JAK2: variants seen among roughly 807,000 people sequenced by gnomAD.
JAK2 encodes the protein tyrosine-protein kinase JAK2.
A neutral mutation model predicts 139.3 loss-of-function variants in JAK2; 86 were observed. The ratio of observed to expected loss-of-function variants is 0.62; its 90% CI spans 0.52 to 0.74. JAK2 has a LOEUF of 0.74. Among genes scored for constraint, JAK2 ranks in the 30% least tolerant of loss-of-function variants. The probability of loss-of-function intolerance (pLI) is 0.00; values close to 1 mark genes in which losing one functional copy is unlikely to be tolerated. For synonymous variants in JAK2, 490 were observed against 437.7 expected (o/e 1.12, Z -1.49); for missense variants, 1,421 against 1,360.3 (o/e 1.04, Z -0.70).
intron 5 of JAK2, among the ~76,000 whole-genome samples, chr9:5,049,063 T>C (rs908779241): frequency 1.2e-4 from 18 of 152,226 alleles, no homozygotes; most frequent in Non-Finnish European, 2.1e-4. Flanking sequence ...CTTCATTCTT[T>C]AGACAATATA....
chr9:5,100,317 A>C (rs1821372227), intron 22 of JAK2: 2 of 152,260 alleles, frequency 1.3e-5, no homozygotes, highest in South Asian at 4.1e-4. Flanking sequence ...TCTACTAATA[A>C]CATCTGGCCT....
intron 2 of JAK2, among the ~76,000 whole-genome samples, chr9:5,006,068 T>G (rs940032791): frequency 3.3e-5 from 5 of 152,362 alleles, no homozygotes; most frequent in African/African-American, 9.6e-5. Context: ...GCATTGAATC[T>G]ATAAATGACC....
intron 12 of JAK2, among the ~76,000 whole-genome samples, chr9:5,071,202 G>A (rs562786251): frequency 2.6e-5 from 4 of 152,130 alleles, no homozygotes; most frequent in African/African-American, 9.6e-5. Flanking sequence ...AAATCTTTTC[G>A]GAACCACATA....
intron 16 of JAK2, 23 bp from the exon 17 acceptor site, chr9:5,080,206 A>C: frequency 1.3e-6 from 2 of 1,576,898 alleles, no homozygotes; most frequent in Non-Finnish European, 1.7e-6. Context: ...ATTTAACCCT[A>C]CTCTGTTCGT....
intron 3 of JAK2, among the ~76,000 whole-genome samples, chr9:5,022,987 C>T: frequency 6.6e-6 from 1 of 152,084 alleles, no homozygotes; most frequent in Non-Finnish European, 1.5e-5. Flanking sequence ...TCAGAATAAC[C>T]ATTAACTGTA....
intron 2 of JAK2, among the ~76,000 whole-genome samples, chr9:5,020,432 T>A (rs1822341463): frequency 6.6e-6 from 1 of 152,038 alleles, no homozygotes; most frequent in African/African-American, 2.4e-5. Context: ...AGGTGCTGTT[T>A]GTGGTGGGCA....
chr9:5,080,558 A>G lies in JAK2; in HGVS notation c.2309A>G (p.His770Arg). 1 of 1,596,040 alleles carries G rather than the reference A, an allele frequency of 6.3e-7. No homozygotes were observed. Among genetic ancestry groups the G allele is most frequent in the Non-Finnish European group, 8.5e-7 (1 of 1,175,530 alleles). ...QRKLQFYEDR[H>R]QLPAPKWAEL... is the part of the protein sequence containing the mutation. Reference sequence around the variant, plus strand: ...AAGCTACAATTTTATGAAGATAGGCATCAGCTTCCTGCACCAAAGTGGGCA... The same window carrying G: ...AAGCTACAATTTTATGAAGATAGGCGTCAGCTTCCTGCACCAAAGTGGGCA... Residue 770 changes from histidine to arginine, a missense_variant, in exon 18 of 25, where the codon CAT becomes CGT. Coordinates refer to ENST00000381652, the MANE Select transcript of JAK2 (RefSeq NM_004972.4).
chr9:5,020,243 G>A (rs1201992338), intron 2 of JAK2, among the ~76,000 whole-genome samples: 1 of 152,184 alleles, frequency 6.6e-6, no homozygotes, highest in East Asian at 1.9e-4. Flanking sequence ...CAGCTGTGGT[G>A]GTAGTGGCAG....
chr9:5,000,659 G>C (rs1470306557), intron 2 of JAK2, among the ~76,000 whole-genome samples: 2 of 151,898 alleles, frequency 1.3e-5, no homozygotes, highest in African/African-American at 4.8e-5. Context: ...TTCCCTATAT[G>C]CTCAAAACAT....
intron 5 of JAK2, among the ~76,000 whole-genome samples, chr9:5,045,091 CTA>C: frequency 6.6e-6 from 1 of 152,250 alleles, no homozygotes; most frequent in Non-Finnish European, 1.5e-5. Flanking sequence ...GCTTTCTTCT[CTA>C]TTACCTTGAT....
chr9:5,061,548 C>T (rs1181709927), intron 8 of JAK2, among the ~76,000 whole-genome samples: 1 of 152,234 alleles, frequency 6.6e-6, no homozygotes, highest in Admixed American at 6.5e-5. Flanking sequence ...GCAGCTTCCT[C>T]ACCTCTCTCA....
At chr9:5,029,961 T>C in intron 4 of JAK2, 55 bp downstream of exon 4, 4 of 1,483,370 alleles carry the variant, frequency 2.7e-6, no homozygotes, top group Non-Finnish European at 3.6e-6. Context: ...ATGGGAGAAA[T>C]TATCAAATAT....
intron 4 of JAK2, among the ~76,000 whole-genome samples, chr9:5,034,501 C>T (rs1340311346): frequency 6.6e-6 from 1 of 151,994 alleles, no homozygotes; most frequent in Admixed American, 6.6e-5. Flanking sequence ...AAGCACTCCT[C>T]AGCAAGTGTA....
rs149242661 is a variant in JAK2 at position 5,067,290 on chromosome 9, G to A, written c.1326+501G>A. The stretch of plus-strand genomic sequence containing the variant: ...ATTTTTAAGAATAGTGGTCTACAAT[G>A]CATGTTTCAACGGTAAAACTGCAAT... On this transcript the variant is annotated intron_variant, in intron 10 of 24. Coordinates refer to ENST00000381652, the MANE Select transcript of JAK2 (RefSeq NM_004972.4). Among the ~76,000 whole-genome samples, 282 of 152,156 alleles carry A rather than the reference G, an allele frequency of 1.9e-3. 2 individuals are homozygous for A. Among genetic ancestry groups the A allele is most frequent in the Non-Finnish European group, 3.4e-3 (234 of 67,968 alleles).
intron 2 of JAK2, among the ~76,000 whole-genome samples, chr9:4,998,545 A>C (rs540516013): frequency 6.6e-6 from 1 of 151,896 alleles, no homozygotes; most frequent in East Asian, 1.9e-4. Flanking sequence ...ATGAGCCACC[A>C]TGCCCGGCCA....
At chr9:5,112,708 A>C (rs1445116872) in intron 22 of JAK2, 1 of 853,414 alleles carries the variant, frequency 1.2e-6, no homozygotes, top group Non-Finnish European at 1.7e-6. Flanking sequence ...AGCAAGTGCG[A>C]GAGCGGAACC....
chr9:4,997,418 C>T (rs1372693644), intron 2 of JAK2, among the ~76,000 whole-genome samples: 1 of 152,190 alleles, frequency 6.6e-6, no homozygotes. Context: ...AGGAATATCA[C>T]ATTTCAAGAG....
chr9:5,080,065 G>A (rs1249963991), intron 16 of JAK2, among the ~76,000 whole-genome samples, 164 bp from the exon 17 acceptor site: 1 of 152,106 alleles, frequency 6.6e-6, no homozygotes, highest in African/African-American at 2.4e-5. Context: ...GTCCCTTCTG[G>A]TTCTTAAGCT....
intron 4 of JAK2, among the ~76,000 whole-genome samples, chr9:5,039,099 G>A (rs1296268752): frequency 6.6e-6 from 1 of 152,100 alleles, no homozygotes; most frequent in Non-Finnish European, 1.5e-5. Flanking sequence ...TCAGGAATGA[G>A]ATGAGGATAG....
Sources: gnomAD v4.1 joint callset for allele counts (sites outside exome capture counted in the v4.1 genomes callset) on GRCh38, gnomAD v4.1.1 for gene constraint, MANE v1.5 for transcripts, NCBI Gene and HGNC (gene_info 2026-07-23, HGNC 2026-07-21) for gene names.